Variants in EFL1 observed in about 807,000 individuals in gnomAD.
EFL1 encodes elongation factor like GTPase 1.
A neutral mutation model predicts 126.7 loss-of-function variants in EFL1; 76 were observed. That is an observed-to-expected ratio of 0.60 (90% CI 0.50 to 0.73). The LOEUF (loss-of-function observed/expected upper bound fraction) is 0.73. Among genes scored for constraint, EFL1 ranks in the 30% least tolerant of loss-of-function variants. The pLI is 0.00. For synonymous variants in EFL1, 410 were observed against 448.4 expected (o/e 0.91, Z 1.08); for missense variants, 1,128 against 1,343.2 (o/e 0.84, Z 2.50).
At chr15:82,153,927 A>T (rs1415423620) in intron 17 of EFL1, among the ~76,000 whole-genome samples, 1 of 152,214 alleles carries the variant, frequency 6.6e-6, no homozygotes, top group Non-Finnish European at 1.5e-5. Context: ...TTACATAGAG[A>T]AAAATATGCT....
chr15:82,140,319 T>C lies in EFL1; in HGVS notation c.2990-1477A>G, dbSNP rs575731811. Among the ~76,000 whole-genome samples the C allele has an allele frequency of 2.0e-5, 3 of 152,320 alleles. No individual in the cohort carries two copies. The East Asian group carries it at 5.8e-4, about 29-fold the overall frequency. Reference sequence around the variant, plus strand: ...AATTTCACAATAATTTTCATGTTCCTAACCTAAATGCTTTTTTCCCCCAAT... The same window carrying C: ...AATTTCACAATAATTTTCATGTTCCCAACCTAAATGCTTTTTTCCCCCAAT... On this transcript the variant is annotated intron_variant, in intron 18 of 19. Coordinates refer to ENST00000268206, the MANE Select transcript of EFL1 (RefSeq NM_024580.6).
At chr15:82,214,896 T>C in intron 14 of EFL1, 41 bp from the exon 15 acceptor site, 1 of 1,578,884 alleles carries the variant, frequency 6.3e-7, no homozygotes, top group Admixed American at 1.9e-5. Flanking sequence ...TAGGAGGCAT[T>C]TGGAAGCATT....
intron 15 of EFL1, among the ~76,000 whole-genome samples, chr15:82,184,843 G>A (rs1449623701): frequency 2.0e-5 from 3 of 152,146 alleles, no homozygotes; most frequent in Non-Finnish European, 2.9e-5. Flanking sequence ...CTACTATATG[G>A]TGAAAACATG....
chr15:82,187,543 A>G (rs2141267119), intron 15 of EFL1, among the ~76,000 whole-genome samples: 1 of 152,292 alleles, frequency 6.6e-6, no homozygotes, highest in South Asian at 2.1e-4. Context: ...CTTGTGACCT[A>G]GTAAATTCAA....
At chr15:82,160,618 C>T (rs2074013322) in intron 16 of EFL1, among the ~76,000 whole-genome samples, 1 of 152,088 alleles carries the variant, frequency 6.6e-6, no homozygotes, top group Admixed American at 6.5e-5. Flanking sequence ...CACAAAAATT[C>T]ATATATCTAT....
chr15:82,244,401 A>C (rs2074952514), intron 4 of EFL1, among the ~76,000 whole-genome samples: 1 of 152,164 alleles, frequency 6.6e-6, no homozygotes, highest in Non-Finnish European at 1.5e-5. Flanking sequence ...AATGCATAAC[A>C]CTTTTCAAGA....
At chr15:82,154,260 A>T (rs2073943831) in intron 17 of EFL1, among the ~76,000 whole-genome samples, 1 of 152,184 alleles carries the variant, frequency 6.6e-6, no homozygotes, top group African/African-American at 2.4e-5. Context: ...AGGCTACATC[A>T]TGGCAATTTC....
At chr15:82,176,273 G>A (rs891421203) in intron 15 of EFL1, among the ~76,000 whole-genome samples, 4 of 152,212 alleles carry the variant, frequency 2.6e-5, no homozygotes, top group African/African-American at 7.2e-5. Context: ...CCATGACTTT[G>A]GAATAAGCAG....
chr15:82,181,843 C>T (rs116432149), intron 15 of EFL1, among the ~76,000 whole-genome samples: 1 of 152,168 alleles, frequency 6.6e-6, no homozygotes, highest in African/African-American at 2.4e-5. Context: ...CCTTTAAATT[C>T]TTGAAAGCTG....
At chr15:82,217,373 G>GGAAAAAAAAAA (rs1429392936) in intron 14 of EFL1, among the ~76,000 whole-genome samples, 1 of 27,150 alleles carries the variant, frequency 3.7e-5, no homozygotes, top group Non-Finnish European at 6.9e-5. Flanking sequence ...GATTAGATTT[G>GGAAAAAAAAAA]AAAAAAAAAA....
chr15:82,241,783 C>T (rs2074933697), intron 4 of EFL1, among the ~76,000 whole-genome samples: 1 of 152,148 alleles, frequency 6.6e-6, no homozygotes, highest in African/African-American at 2.4e-5. Flanking sequence ...GAAATCAATG[C>T]CTAAGGGCCT....
At chr15:82,182,691 G>C (rs1421225686) in intron 15 of EFL1, among the ~76,000 whole-genome samples, 3 of 152,036 alleles carry the variant, frequency 2.0e-5, no homozygotes, top group Non-Finnish European at 4.4e-5. Flanking sequence ...CGGGCGTGGT[G>C]GTGGGCGCCT....
chr15:82,219,957 G>T (rs1386825848), intron 13 of EFL1, 121 bp downstream of exon 13: 13 of 1,486,508 alleles, frequency 8.7e-6, no homozygotes, highest in Admixed American at 2.3e-5. Flanking sequence ...AACAAGAATG[G>T]AAAGAATATT....
intron 3 of EFL1, among the ~76,000 whole-genome samples, chr15:82,253,061 CAG>C (rs2075037793): frequency 6.7e-6 from 1 of 150,042 alleles, no homozygotes; most frequent in Non-Finnish European, 1.5e-5. Context: ...TTTTTTGAGA[CAG>C]AGTCTTATTC....
At position 82,147,586 on chromosome 15, in the gene EFL1, G is replaced by A. The variant is rs545998880; in HGVS notation, c.2989+3879C>T. ...GAACCTGGGAGAAGAAGGCTGCAGT[G>A]AGCTGAGATTGTGCCACTGCAGTCC... On this transcript the variant is annotated intron_variant, in intron 18 of 19. Coordinates refer to ENST00000268206, the MANE Select transcript of EFL1 (RefSeq NM_024580.6). 2.8e-5 allele frequency among the ~76,000 whole-genome samples: 4 copies of A among 143,414 alleles called. No homozygotes were observed. The South Asian group carries it at 6.5e-4, about 23-fold the overall frequency. 94.1% of individuals were successfully genotyped at this position (143,414 alleles called of 152,430 possible).
chr15:82,238,561 C>T, intron 6 of EFL1, 40 bp from the exon 7 acceptor site: 1 of 1,488,896 alleles, frequency 6.7e-7, no homozygotes, highest in South Asian at 1.2e-5. Flanking sequence ...CATTCAGATG[C>T]TCAGCATGCT....
At chr15:82,230,994 T>G in intron 7 of EFL1, 23 bp from the exon 8 acceptor site, 1 of 1,606,652 alleles carries the variant, frequency 6.2e-7, no homozygotes, top group Non-Finnish European at 8.5e-7. Flanking sequence ...CAAATGTTCA[T>G]GTTATTAATA....
chr15:82,209,272 C>T (rs74030944), intron 15 of EFL1, among the ~76,000 whole-genome samples: 16,851 of 151,090 alleles, frequency 0.11, 1,841 homozygotes, highest in African/African-American at 0.28. Context: ...AGGTTTCTGA[C>T]GCCTAGGTTA....
intron 2 of EFL1, among the ~76,000 whole-genome samples, chr15:82,259,467 G>A (rs1470357584): frequency 1.3e-5 from 2 of 152,056 alleles, no homozygotes; most frequent in Admixed American, 6.5e-5. Flanking sequence ...GGCCTCAGCT[G>A]GAATTTGCTA....
Sources: allele counts gnomAD v4.1 joint callset (sites outside exome capture counted in the v4.1 genomes callset), GRCh38; gene constraint gnomAD v4.1.1; transcripts MANE v1.5; gene names NCBI Gene and HGNC (gene_info 2026-07-23, HGNC 2026-07-21).